The following SPOCK1 variants were observed in gnomAD, a reference collection of about 807,000 sequenced individuals.
The protein encoded by SPOCK1 is testican-1.
SPOCK1 carries 23 observed loss-of-function variants against 55.3 expected under a neutral mutation model. The ratio of observed to expected loss-of-function variants is 0.42; its 90% CI spans 0.30 to 0.59. The LOEUF is 0.59. Ranked by LOEUF, SPOCK1 falls within the 20% of genes least tolerant of loss-of-function variation. SPOCK1 has a pLI of 0.22. For synonymous variants in SPOCK1, 226 were observed against 221.0 expected (o/e 1.02, Z -0.20); for missense variants, 499 against 552.5 (o/e 0.90, Z 0.97).
Position 137,267,009 on chromosome 5 carries a change from C to T in SPOCK1, c.232+1G>A. On this transcript the variant is annotated splice_donor_variant, in intron 3 of 10. Transcript: ENST00000394945. LOFTEE classifies it high-confidence loss of function. ...ACAGCAAGAAATATTGCATCCATTA[C>T]CTTGGTCAAAGGGCTTGTTGGGATT... is the stretch of plus-strand genomic sequence containing the variant. 2 of 1,612,142 alleles carry T rather than the reference C, an allele frequency of 1.2e-6. No individual in the cohort carries two copies. The highest frequency in any genetic ancestry group is 1.7e-6 in the Non-Finnish European group (2 of 1,178,362).
intron 6 of SPOCK1, among the ~76,000 whole-genome samples, chr5:137,057,476 A>T (rs1040678212): frequency 6.6e-6 from 1 of 152,236 alleles, no homozygotes; most frequent in East Asian, 1.9e-4. Context: ...TCAAAGTGAC[A>T]TTCCTGCTTT....
chr5:137,229,599 G>A (rs1756010082), intron 3 of SPOCK1, among the ~76,000 whole-genome samples: 1 of 152,172 alleles, frequency 6.6e-6, no homozygotes. Flanking sequence ...ATAACAGGGG[G>A]CTCAGACGAG....
intron 2 of SPOCK1, among the ~76,000 whole-genome samples, chr5:137,407,919 G>T (rs997299360): frequency 6.6e-6 from 1 of 152,084 alleles, no homozygotes; most frequent in African/African-American, 2.4e-5. Context: ...GCCCTGCAGG[G>T]TCTATGCTTG....
At chr5:137,482,195 A>G (rs1385316377) in intron 2 of SPOCK1, among the ~76,000 whole-genome samples, 1 of 152,238 alleles carries the variant, frequency 6.6e-6, no homozygotes. Context: ...GGCATGGGCC[A>G]CATGGTACAC....
At chr5:137,348,989 C>T (rs1349818660) in intron 2 of SPOCK1, among the ~76,000 whole-genome samples, 1 of 152,180 alleles carries the variant, frequency 6.6e-6, no homozygotes, top group Non-Finnish European at 1.5e-5. Flanking sequence ...ACAAAGATCA[C>T]ATTGTTTGAC....
chr5:137,404,270 G>C (rs1033991498), intron 2 of SPOCK1, among the ~76,000 whole-genome samples: 1 of 152,230 alleles, frequency 6.6e-6, no homozygotes, highest in African/African-American at 2.4e-5. Context: ...ACAGCCAACT[G>C]TCTCCAAAAG....
chr5:137,079,650 G>A (rs1362034710), intron 5 of SPOCK1, among the ~76,000 whole-genome samples: 1 of 151,814 alleles, frequency 6.6e-6, no homozygotes, highest in African/African-American at 2.4e-5. Flanking sequence ...ATCTGGTACT[G>A]ATGCTGCTTC....
chr5:137,388,945 G>T (rs1477322750), intron 2 of SPOCK1, among the ~76,000 whole-genome samples: 1 of 152,156 alleles, frequency 6.6e-6, no homozygotes, highest in Non-Finnish European at 1.5e-5. Context: ...ATCATATACA[G>T]CATTTTGCAC....
At chr5:137,028,398 T>C (rs1751716892) in intron 6 of SPOCK1, among the ~76,000 whole-genome samples, 1 of 152,162 alleles carries the variant, frequency 6.6e-6, no homozygotes, top group East Asian at 1.9e-4. Context: ...AAAGGTATTA[T>C]CCAGCACAGC....
intron 3 of SPOCK1, among the ~76,000 whole-genome samples, chr5:137,266,790 C>A (rs1264355742): frequency 6.6e-6 from 1 of 151,918 alleles, no homozygotes; most frequent in Non-Finnish European, 1.5e-5. Context: ...ATTGGTCAAG[C>A]CAATTAAAAG....
chr5:137,275,839 C>T (rs533157762), intron 2 of SPOCK1, among the ~76,000 whole-genome samples: 3 of 152,276 alleles, frequency 2.0e-5, no homozygotes, highest in East Asian at 1.9e-4. Context: ...TTCCCTCTGC[C>T]GTTCAGGCAA....
chr5:137,125,173 C>T (rs1446816789), intron 4 of SPOCK1, among the ~76,000 whole-genome samples: 1 of 152,234 alleles, frequency 6.6e-6, no homozygotes, highest in Admixed American at 6.5e-5. Flanking sequence ...GTACCCCCAG[C>T]TCCTTTCTTG....
intron 2 of SPOCK1, among the ~76,000 whole-genome samples, chr5:137,445,208 C>G (rs538557624): frequency 3.3e-4 from 50 of 152,280 alleles, no homozygotes; most frequent in African/African-American, 1.2e-3. Flanking sequence ...GCTATTTTTC[C>G]TCTACTATAA....
Position 137,138,708 on chromosome 5 carries a change from C to A in SPOCK1, c.347+1872G>T, listed in dbSNP as rs1157439723. On this transcript the variant is annotated intron_variant, in intron 4 of 10. Coordinates refer to ENST00000394945, the MANE Select transcript of SPOCK1 (RefSeq NM_004598.4). Reference sequence around the variant, plus strand: ...AAGGAACTTCAAATAATAACCCCCCCCCCCCAAAAAAAAGTGGTATTTTTT... The same window carrying A: ...AAGGAACTTCAAATAATAACCCCCCACCCCCAAAAAAAAGTGGTATTTTTT... Among the ~76,000 whole-genome samples, 6 of 150,460 alleles carry A rather than the reference C, an allele frequency of 4.0e-5. No homozygotes were observed. The East Asian group carries it at 1.2e-3, about 30-fold the overall frequency.
chr5:137,078,199 G>A (rs564344132), intron 5 of SPOCK1, among the ~76,000 whole-genome samples: 2 of 152,300 alleles, frequency 1.3e-5, no homozygotes, highest in African/African-American at 4.8e-5. Context: ...CTCTCGCCCA[G>A]CCTGGATATG....
At chr5:137,400,830 A>G (rs970766896) in intron 2 of SPOCK1, among the ~76,000 whole-genome samples, 5 of 152,202 alleles carry the variant, frequency 3.3e-5, no homozygotes, top group Non-Finnish European at 7.3e-5. Context: ...GCAAGGAGGG[A>G]GGAAAAGTGC....
In SPOCK1 at chr5:136,985,138, A is replaced by G; in HGVS notation, c.991+2T>C. Reference sequence around the variant, plus strand: ...AAATGAGTGGCAAGAAATTGTACTTACCCAACAGGCTTTTCCCCTTACTCA... The same window carrying G: ...AAATGAGTGGCAAGAAATTGTACTTGCCCAACAGGCTTTTCCCCTTACTCA... On this transcript the variant is annotated splice_donor_variant, in intron 9 of 10. Coordinates refer to ENST00000394945, the MANE Select transcript of SPOCK1 (RefSeq NM_004598.4). LOFTEE classifies it high-confidence loss of function. 1 of 1,614,058 alleles carries G rather than the reference A, an allele frequency of 6.2e-7. No homozygotes were observed. The highest frequency in any genetic ancestry group is 8.5e-7 in the Non-Finnish European group (1 of 1,179,878).
intron 2 of SPOCK1, among the ~76,000 whole-genome samples, chr5:137,458,209 A>T (rs1753407758): frequency 6.6e-6 from 1 of 152,214 alleles, no homozygotes; most frequent in Non-Finnish European, 1.5e-5. Flanking sequence ...ACATATGTTT[A>T]AGACATAGGA....
intron 6 of SPOCK1, among the ~76,000 whole-genome samples, chr5:137,039,680 C>A (rs1161719779): frequency 6.6e-6 from 1 of 152,172 alleles, no homozygotes; most frequent in African/African-American, 2.4e-5. Context: ...GAGGAGTAGC[C>A]CTGGCATCAG....
Sources: allele counts gnomAD v4.1 joint callset (sites outside exome capture counted in the v4.1 genomes callset), GRCh38; gene constraint gnomAD v4.1.1; transcripts MANE v1.5; gene names NCBI Gene and HGNC (gene_info 2026-07-23, HGNC 2026-07-21).